NDUFA10: variants seen among roughly 807,000 people sequenced by gnomAD.
The protein encoded by NDUFA10 is NADH dehydrogenase [ubiquinone] 1 alpha subcomplex subunit 10, mitochondrial.
NDUFA10 carries 40 observed loss-of-function variants against 47.8 expected under a neutral mutation model. That is an observed-to-expected ratio of 0.84 (90% CI 0.65 to 1.09). The LOEUF (loss-of-function observed/expected upper bound fraction) is 1.09, where lower values mean the gene tolerates loss of function less well. NDUFA10 is among the 50% of genes least tolerant of loss of function. NDUFA10 has a pLI of 0.00. For synonymous variants in NDUFA10, 183 were observed against 172.2 expected (o/e 1.06, Z -0.49); for missense variants, 413 against 451.1 (o/e 0.92, Z 0.76).
chr2:239,976,307 T>C (rs1255523872), intron 9 of NDUFA10, among the ~76,000 whole-genome samples: 2 of 152,064 alleles, frequency 1.3e-5, no homozygotes, highest in Non-Finnish European at 2.9e-5. Flanking sequence ...CTGTGCGATC[T>C]CGCCCCACTC....
At chr2:239,926,718 C>T (rs11685969) in intron 4 of NDUFA10, among the ~76,000 whole-genome samples, 18,224 of 152,180 alleles carry the variant, frequency 0.12, 1,146 homozygotes, top group South Asian at 0.15. Flanking sequence ...ATGTGTGCTA[C>T]TGCTCCTGAA....
At position 239,958,812 on chromosome 2, in the gene NDUFA10, G is replaced by C. The variant is rs1021037794; in HGVS notation, c.*2306C>G. The C allele has an allele frequency of 2.2e-5, 10 of 445,810 alleles. No individual in the cohort carries two copies. In the South Asian group the frequency reaches 5.7e-4, roughly 25 times the overall value. 27.6% of individuals were successfully genotyped at this position (445,810 alleles called of 1,614,324 possible). A position where few individuals can be genotyped will look rare whatever the true frequency, so the allele number is the denominator to read the frequency against. ...TTCTCATGCCTGTAAACACATGCCTGTATGAATAAAATCCAGACACAAAAC... is the reference window on the plus strand; with the variant it reads ...TTCTCATGCCTGTAAACACATGCCTCTATGAATAAAATCCAGACACAAAAC... On this transcript the variant is annotated 3_prime_UTR_variant, in exon 10 of 10. Transcript: ENST00000252711.
chr2:240,017,370 C>A (rs1281927992), intron 4 of NDUFA10, among the ~76,000 whole-genome samples: 1 of 152,154 alleles, frequency 6.6e-6, no homozygotes, highest in African/African-American at 2.4e-5. Context: ...CCCCACACGT[C>A]CCTCACTCCC....
rs545369084 is a variant in NDUFA10, at chr2:239,977,985, T to C, written c.999+12089A>G. Reference sequence around the variant, plus strand: ...CCAGCCTCCCCTCAGCAGACTAGGTTGGGGTCCTATGAAACAAACAGTGAT... The same window carrying C: ...CCAGCCTCCCCTCAGCAGACTAGGTCGGGGTCCTATGAAACAAACAGTGAT... On this transcript the variant is annotated intron_variant, in intron 9 of 9. Coordinates refer to ENST00000252711, the MANE Select transcript of NDUFA10 (RefSeq NM_004544.4). Among the ~76,000 whole-genome samples, 19 of 152,206 alleles carry C rather than the reference T, an allele frequency of 1.2e-4. No individual in the cohort carries two copies. The East Asian group carries it at 3.7e-3, about 30-fold the overall frequency.
intron 4 of NDUFA10, among the ~76,000 whole-genome samples, chr2:240,017,428 A>G (rs1436333214): frequency 6.6e-6 from 1 of 152,148 alleles, no homozygotes; most frequent in Non-Finnish European, 1.5e-5. Context: ...TGTCCCTGAC[A>G]CTATCCCATC....
chr2:239,931,131 T>G lies in NDUFA10; in HGVS notation c.295-35817A>C, dbSNP rs938750251. On this transcript the variant is annotated intron_variant, in intron 4 of 5. Coordinates refer to the NDUFA10 transcript ENST00000419408. Reference sequence around the variant, plus strand: ...TCCCATTGGCTTTTCCCTGTGAGCATCTGAACAGCAACTTTCACCCTGGCC... The same window carrying G: ...TCCCATTGGCTTTTCCCTGTGAGCAGCTGAACAGCAACTTTCACCCTGGCC... Among the ~76,000 whole-genome samples the G allele has an allele frequency of 3.3e-5, 5 of 152,352 alleles. No individual in the cohort carries two copies. In the South Asian group the frequency reaches 1.0e-3, roughly 32 times the overall value.
intron 9 of NDUFA10, among the ~76,000 whole-genome samples, chr2:239,968,522 T>A (rs1695175415): frequency 6.6e-6 from 1 of 152,084 alleles, no homozygotes; most frequent in Non-Finnish European, 1.5e-5. Context: ...AGTAACAGGG[T>A]CTGTACTTGC....
At chr2:239,977,345 G>A (rs1320645984) in intron 9 of NDUFA10, among the ~76,000 whole-genome samples, 1 of 152,222 alleles carries the variant, frequency 6.6e-6, no homozygotes, top group Non-Finnish European at 1.5e-5. Flanking sequence ...CTGTCCCTGA[G>A]TATGGCGTGC....
chr2:239,945,619 G>C lies in NDUFA10; in HGVS notation c.294+44455C>G, dbSNP rs1239408224. 6.6e-6 allele frequency among the ~76,000 whole-genome samples: 1 copy of C among 152,220 alleles called. No individual in the cohort carries two copies. Among genetic ancestry groups the C allele is most frequent in the Admixed American group, 6.5e-5 (1 of 15,288 alleles). On this transcript the variant is annotated intron_variant, in intron 4 of 5. Coordinates refer to the NDUFA10 transcript ENST00000419408. The surrounding 1 kb of genome is among the most constrained non-coding windows in gnomAD (Gnocchi z 4.6). ...ACTTGGCCACACACTGGTCCTTCAT[G>C]AACAGTTTTCTCACGGAATGGATCG... is the stretch of plus-strand genomic sequence containing the variant.
intron 5 of NDUFA10, 136 bp from the exon 6 acceptor site, chr2:240,011,832 G>A: frequency 1.3e-6 from 1 of 765,034 alleles, no homozygotes; most frequent in South Asian, 1.5e-5. Flanking sequence ...GGGACTGCGG[G>A]GTGACAGCAA....
intron 4 of NDUFA10, among the ~76,000 whole-genome samples, chr2:239,903,408 C>T (rs368474631): frequency 1.3e-4 from 20 of 152,204 alleles, no homozygotes; most frequent in East Asian, 9.6e-4. Flanking sequence ...AACCTGCAGT[C>T]GCGTTGGACA....
chr2:239,953,961 G>C (rs559518613), downstream of NDUFA10, among the ~76,000 whole-genome samples: 219 of 152,376 alleles, frequency 1.4e-3, no homozygotes, highest in African/African-American at 5.1e-3. Context: ...GCTAGGCTGA[G>C]TGACCGACCG....
chr2:240,019,544 C>A lies in NDUFA10; in HGVS notation c.461-905G>T, dbSNP rs1219387530. On this transcript the variant is annotated intron_variant, in intron 3 of 9. Coordinates refer to ENST00000252711, the MANE Select transcript of NDUFA10 (RefSeq NM_004544.4). Reference sequence around the variant, plus strand: ...CTTTAAAAAGAACGTGGAGGCCGGGCGCGGTGGCTCACGCCTGTAATCCCA... The same window carrying A: ...CTTTAAAAAGAACGTGGAGGCCGGGAGCGGTGGCTCACGCCTGTAATCCCA... Among the ~76,000 whole-genome samples, 6 of 27,638 alleles carry A rather than the reference C, an allele frequency of 2.2e-4. 1 individual carries two copies. The highest frequency in any genetic ancestry group is 8.1e-4 in the African/African-American group (6 of 7,396). The allele number at this position is 27,638 out of a possible 152,430, so 18.1% of individuals were successfully genotyped here. A position where few individuals can be genotyped will look rare whatever the true frequency, so the allele number is the denominator to read the frequency against.
chr2:239,941,236 C>T (rs1486656200), intron 4 of NDUFA10, among the ~76,000 whole-genome samples: 2 of 152,216 alleles, frequency 1.3e-5, no homozygotes, highest in Non-Finnish European at 2.9e-5. Context: ...TATGTCAGAA[C>T]ATATGCAAAC....
intron 4 of NDUFA10, among the ~76,000 whole-genome samples, chr2:239,920,466 CA>C (rs914826372): frequency 1.3e-5 from 2 of 152,230 alleles, no homozygotes; most frequent in African/African-American, 2.4e-5. Flanking sequence ...GGGAGAAAAT[CA>C]AAAGGCTTCA....
chr2:239,915,553 CACAT>C, intron 4 of NDUFA10, among the ~76,000 whole-genome samples: 1 of 144,696 alleles, frequency 6.9e-6, no homozygotes, highest in Non-Finnish European at 1.5e-5. Flanking sequence ...AGAGAACACA[CACAT>C]ACACAGACAC....
At chr2:239,893,766 G>A (rs554691251) in intron 5 of NDUFA10, among the ~76,000 whole-genome samples, 6 of 152,296 alleles carry the variant, frequency 3.9e-5, no homozygotes, top group Non-Finnish European at 7.4e-5. Flanking sequence ...TTCAAACCAC[G>A]CAGTGGGAGT....
intron 4 of NDUFA10, among the ~76,000 whole-genome samples, chr2:239,902,503 A>T (rs1259991169): frequency 6.6e-6 from 1 of 152,240 alleles, no homozygotes; most frequent in East Asian, 1.9e-4. Flanking sequence ...GTATAAATAT[A>T]GCTTTTATAT....
chr2:239,922,367 C>T (rs1202544992), intron 4 of NDUFA10, among the ~76,000 whole-genome samples: 4 of 152,210 alleles, frequency 2.6e-5, no homozygotes, highest in Non-Finnish European at 5.9e-5. Flanking sequence ...CTCAGAGGGG[C>T]TCAAGGCAGG....
Sources: gnomAD v4.1 joint callset for allele counts (sites outside exome capture counted in the v4.1 genomes callset) on GRCh38, gnomAD v4.1.1 for gene constraint, Gnocchi (gnomAD v3.1) non-coding constraint, MANE v1.5 for transcripts, NCBI Gene and HGNC (gene_info 2026-07-23, HGNC 2026-07-21) for gene names.